Variants in WWC2 observed in about 807,000 individuals in gnomAD.
The protein encoded by WWC2 is protein WWC2.
WWC2 carries 101 observed loss-of-function variants against 138.5 expected under a neutral mutation model. The ratio of observed to expected loss-of-function variants is 0.73; its 90% CI spans 0.62 to 0.86. WWC2 has a LOEUF of 0.86. Ranked by LOEUF, WWC2 falls within the 40% of genes least tolerant of loss-of-function variation. WWC2 has a pLI of 0.00. For missense variants in WWC2, 1,420 were observed against 1,419.4 expected (o/e 1.00, Z -0.01); for synonymous variants, 558 against 538.4 (o/e 1.04, Z -0.50).
intron 1 of WWC2, among the ~76,000 whole-genome samples, chr4:183,119,148 G>A (rs1732520815): frequency 6.6e-6 from 1 of 152,118 alleles, no homozygotes; most frequent in Admixed American, 6.6e-5. Context: ...TAAATTAGTG[G>A]TGGTAGTGAA....
At chr4:183,272,351 A>G (rs527632364) in intron 16 of WWC2, among the ~76,000 whole-genome samples, 1 of 152,320 alleles carries the variant, frequency 6.6e-6, no homozygotes, top group South Asian at 2.1e-4. Flanking sequence ...ATGATGTTTT[A>G]TCCTTAAGAA....
chr4:183,292,903 A>T (rs1738505852), intron 21 of WWC2, among the ~76,000 whole-genome samples: 1 of 152,234 alleles, frequency 6.6e-6, no homozygotes, highest in South Asian at 2.1e-4. Context: ...ACACTGTATT[A>T]AAAAGATTGT....
At chr4:183,282,979 G>T in intron 18 of WWC2, 73 bp downstream of exon 18, 4 of 1,394,130 alleles carry the variant, frequency 2.9e-6, no homozygotes, top group Non-Finnish European at 3.8e-6. Context: ...ATGCTTGTTT[G>T]TCTCCTTAGG....
rs10651908 is a variant in WWC2, at chr4:183,180,617, T to TATG, written c.132-12982_132-12981insATG. 6.9e-3 allele frequency among the ~76,000 whole-genome samples: 1,056 copies of TATG among 152,286 alleles called. 3 individuals carry two copies. Among genetic ancestry groups the TATG allele is most frequent in the South Asian group, 0.012 (56 of 4,824 alleles). ...TAAACTGGTAAATGGATAAGCAAAA[T>TATG]GTATCTGTGGAGTGAAATACTATTC... is the stretch of plus-strand genomic sequence containing the variant. On this transcript the variant is annotated intron_variant, in intron 1 of 22. Transcript: ENST00000403733.
At chr4:183,231,360 C>T (rs1736241470) in intron 4 of WWC2, among the ~76,000 whole-genome samples, 1 of 149,212 alleles carries the variant, frequency 6.7e-6, no homozygotes, top group Non-Finnish European at 1.5e-5. Flanking sequence ...ACCTCCGCCT[C>T]CTGTGTTCAG....
chr4:183,198,021 T>A (rs180835898), intron 2 of WWC2, among the ~76,000 whole-genome samples: 1 of 152,310 alleles, frequency 6.6e-6, no homozygotes, highest in East Asian at 1.9e-4. Context: ...ATAGATTCTT[T>A]CAGCGTGTTT....
chr4:183,145,430 A>G (rs1219515793), intron 1 of WWC2, among the ~76,000 whole-genome samples: 1 of 152,234 alleles, frequency 6.6e-6, no homozygotes, highest in East Asian at 1.9e-4. Context: ...ATTTTAAAAT[A>G]ATGTTTGTTT....
chr4:183,155,034 G>A (rs554147026), intron 1 of WWC2, among the ~76,000 whole-genome samples: 4 of 152,334 alleles, frequency 2.6e-5, no homozygotes, highest in East Asian at 1.9e-4. Context: ...CAAAGCAGGA[G>A]CAATAAAAAC....
rs533953847 is a variant in WWC2, at chr4:183,103,440, T to C, written c.131+3818T>C. 6.0e-5 allele frequency among the ~76,000 whole-genome samples: 9 copies of C among 151,154 alleles called. No homozygotes were observed. In the East Asian group the frequency reaches 1.8e-3, roughly 29 times the overall value. On this transcript the variant is annotated intron_variant, in intron 1 of 22. Transcript: ENST00000403733. ...CTCCCGGGTTCAAGCGATTCTCCTG[T>C]CTCAGCCTCCCGAGTAGCTGGGATT... is the stretch of plus-strand genomic sequence containing the variant.
intron 9 of WWC2, among the ~76,000 whole-genome samples, chr4:183,258,865 A>G (rs1053707614): frequency 6.6e-6 from 1 of 152,232 alleles, no homozygotes; most frequent in African/African-American, 2.4e-5. Flanking sequence ...CACACGACAT[A>G]GACTATACTT....
chr4:183,099,993 G>T (rs1040620640), intron 1 of WWC2, among the ~76,000 whole-genome samples: 2 of 152,206 alleles, frequency 1.3e-5, no homozygotes, highest in African/African-American at 4.8e-5. Flanking sequence ...GCGGGGGTGG[G>T]CTAGGGCCTC....
At chr4:183,141,958 T>G (rs969397982) in intron 1 of WWC2, among the ~76,000 whole-genome samples, 10 of 152,228 alleles carry the variant, frequency 6.6e-5, no homozygotes, top group African/African-American at 2.4e-4. Context: ...AGGGGACATG[T>G]GTTTAGTAAG....
At chr4:183,310,544 G>A (rs1174981487) in intron 21 of WWC2, among the ~76,000 whole-genome samples, 4 of 151,966 alleles carry the variant, frequency 2.6e-5, no homozygotes, top group East Asian at 3.9e-4. Flanking sequence ...GCTCTGTCAC[G>A]AAGGCTGTAG....
intron 2 of WWC2, among the ~76,000 whole-genome samples, chr4:183,197,165 A>G (rs1735167978): frequency 6.6e-6 from 1 of 152,232 alleles, no homozygotes; most frequent in African/African-American, 2.4e-5. Context: ...AAAAAACACC[A>G]TTTTGAATAT....
chr4:183,202,888 A>G (rs1201010947), intron 2 of WWC2, among the ~76,000 whole-genome samples: 2 of 152,218 alleles, frequency 1.3e-5, no homozygotes, highest in Non-Finnish European at 2.9e-5. Flanking sequence ...TATCAGAGAC[A>G]GTGTTATAGC....
chr4:183,259,839 G>A, intron 10 of WWC2, 111 bp downstream of exon 10: 1 of 791,618 alleles, frequency 1.3e-6, no homozygotes. Context: ...AATCATTATA[G>A]TAGCACAGTT....
At chr4:183,250,472 A>G (rs2111335258) in intron 8 of WWC2, among the ~76,000 whole-genome samples, 1 of 152,218 alleles carries the variant, frequency 6.6e-6, no homozygotes, top group Admixed American at 6.5e-5. Flanking sequence ...CAGTCGACTT[A>G]GGTTAGGGAA....
At chr4:183,194,283 G>A (rs1460165785) in intron 2 of WWC2, among the ~76,000 whole-genome samples, 4 of 152,134 alleles carry the variant, frequency 2.6e-5, no homozygotes, top group Non-Finnish European at 4.4e-5. Context: ...TCAGTCTAGG[G>A]CAGAGGATTA....
chr4:183,109,523 C>A (rs1195892211), intron 1 of WWC2, among the ~76,000 whole-genome samples: 1 of 152,160 alleles, frequency 6.6e-6, no homozygotes, highest in East Asian at 1.9e-4. Flanking sequence ...GATCTCAGAT[C>A]ATCAGGGATT....
Sources: allele counts gnomAD v4.1 joint callset (sites outside exome capture counted in the v4.1 genomes callset), GRCh38; gene constraint gnomAD v4.1.1; transcripts MANE v1.5; gene names NCBI Gene and HGNC (gene_info 2026-07-23, HGNC 2026-07-21).